Variants in ZPBP observed in about 807,000 individuals in gnomAD.
The protein encoded by ZPBP is zona pellucida binding protein.
A neutral mutation model predicts 44.8 loss-of-function variants in ZPBP; 26 were observed. That is an observed-to-expected ratio of 0.58 (90% confidence interval 0.43 to 0.81). The LOEUF (loss-of-function observed/expected upper bound fraction) is 0.81, where lower values mean the gene tolerates loss of function less well. ZPBP is among the 30% of genes least tolerant of loss of function. The pLI, the probability that ZPBP is intolerant of heterozygous loss-of-function variation, is 0.00. For missense variants in ZPBP, 409 were observed against 434.0 expected (o/e 0.94, Z 0.51); for synonymous variants, 174 against 153.2 (o/e 1.14, Z -1.00).
chr7:49,864,238 G>T (rs1419934382), intron 2 of ZPBP, among the ~76,000 whole-genome samples: 1 of 152,136 alleles, frequency 6.6e-6, no homozygotes, highest in East Asian at 1.9e-4. Context: ...TCAAGGGAAA[G>T]AGAGGAAGAC....
chr7:49,869,951 T>C (rs1354978486), intron 2 of ZPBP, among the ~76,000 whole-genome samples: 2 of 152,162 alleles, frequency 1.3e-5, no homozygotes, highest in Non-Finnish European at 2.9e-5. Context: ...GATGTGGTTG[T>C]CTCAAAATAT....
intron 2 of ZPBP, among the ~76,000 whole-genome samples, chr7:49,883,121 T>G (rs1791742708): frequency 6.6e-6 from 1 of 151,922 alleles, no homozygotes; most frequent in African/African-American, 2.4e-5. Context: ...GAAACAACTT[T>G]GAGGGGAAAT....
chr7:49,856,433 G>A (rs756814654), intron 2 of ZPBP, among the ~76,000 whole-genome samples: 3 of 152,166 alleles, frequency 2.0e-5, no homozygotes, highest in Non-Finnish European at 4.4e-5. Context: ...AGAAAAAGAT[G>A]TTGGCCCCAT....
intron 2 of ZPBP, among the ~76,000 whole-genome samples, chr7:50,085,303 C>A (rs1182953226): frequency 6.6e-6 from 1 of 152,066 alleles, no homozygotes; most frequent in East Asian, 1.9e-4. Flanking sequence ...TGATTTCTAG[C>A]CTCTATAACT....
chr7:49,880,641 T>C (rs1404332675), intron 2 of ZPBP, among the ~76,000 whole-genome samples: 2 of 151,952 alleles, frequency 1.3e-5, no homozygotes, highest in African/African-American at 2.4e-5. Flanking sequence ...GTGAGAACAC[T>C]TGGACACAGG....
chr7:49,949,948 C>A (rs969808289), intron 7 of ZPBP, among the ~76,000 whole-genome samples: 1 of 151,540 alleles, frequency 6.6e-6, no homozygotes, highest in Non-Finnish European at 1.5e-5. Context: ...TTAATAAAAC[C>A]AACTGTGAAA....
At chr7:49,866,576 C>A (rs528095883) in intron 2 of ZPBP, among the ~76,000 whole-genome samples, 7 of 152,148 alleles carry the variant, frequency 4.6e-5, no homozygotes, top group African/African-American at 1.7e-4. Flanking sequence ...CCATGTGACT[C>A]AGAAAAGACG....
intron 7 of ZPBP, among the ~76,000 whole-genome samples, chr7:49,946,742 T>C (rs1795119782): frequency 6.6e-6 from 1 of 152,194 alleles, no homozygotes; most frequent in East Asian, 1.9e-4. Context: ...TACCTTTTTC[T>C]AGGTTTGGAA....
At chr7:50,001,778 A>T (rs931028433) in intron 6 of ZPBP, among the ~76,000 whole-genome samples, 1 of 152,184 alleles carries the variant, frequency 6.6e-6, no homozygotes. Context: ...ACTTGCAAAG[A>T]TGGAAATTAG....
rs145242925 is a variant in ZPBP, at chr7:49,940,883, G to A, written c.962-3261C>T. ...TGAAAACCACAAGGAGACAACAAAG[G>A]GGAACATAGGTGGGGCAAGAGATTT... On this transcript the variant is annotated intron_variant, in intron 7 of 7. Transcript: ENST00000046087. The A allele has an allele frequency of 3.1e-3, 2,114 of 673,232 alleles. 28 individuals are homozygous for A. The African/African-American group carries it at 0.038, about 12-fold the overall frequency. 41.7% of individuals were successfully genotyped at this position (673,232 alleles called of 1,614,324 possible).
chr7:49,983,573 G>T (rs1007361951), intron 6 of ZPBP, 54 bp from the exon 7 acceptor site: 2 of 1,159,138 alleles, frequency 1.7e-6, no homozygotes, highest in Admixed American at 4.5e-5. Flanking sequence ...TGTAATTTTA[G>T]AACAAATAAG....
intron 2 of ZPBP, among the ~76,000 whole-genome samples, chr7:49,851,161 T>G (rs1264432170): frequency 6.6e-6 from 1 of 152,236 alleles, no homozygotes; most frequent in Non-Finnish European, 1.5e-5. Flanking sequence ...GAGGCTTCAC[T>G]GCAGGCTCTG....
intron 4 of ZPBP, among the ~76,000 whole-genome samples, chr7:50,050,788 CA>C (rs751875216): frequency 0.011 from 293 of 26,836 alleles, 1 homozygote; most frequent in African/African-American, 0.033. Context: ...GACTCCGTCT[CA>C]AAAAAAAAAA....
intron 1 of ZPBP, among the ~76,000 whole-genome samples, chr7:49,925,428 C>T (rs1433050542): frequency 6.6e-6 from 1 of 152,146 alleles, no homozygotes; most frequent in Non-Finnish European, 1.5e-5. Flanking sequence ...GTGGTAGTAG[C>T]TAGACAAGCC....
At chr7:49,854,495 G>C (rs1274069009) in intron 2 of ZPBP, among the ~76,000 whole-genome samples, 1 of 152,096 alleles carries the variant, frequency 6.6e-6, no homozygotes, top group South Asian at 2.1e-4. Flanking sequence ...GTGTCTGTTG[G>C]CTGCATAAAT....
At chr7:49,943,246 C>A in intron 7 of ZPBP, 1 of 303,788 alleles carries the variant, frequency 3.3e-6, no homozygotes. Context: ...TTTACTTGTT[C>A]AAGTACAACA....
the ZPBP span, among the ~76,000 whole-genome samples, chr7:49,841,437 T>C: frequency 6.6e-6 from 1 of 152,136 alleles, no homozygotes; most frequent in Admixed American, 6.5e-5. Flanking sequence ...TGGTGGAATT[T>C]AAGGTAGGGA....
intron 7 of ZPBP, among the ~76,000 whole-genome samples, chr7:49,982,512 C>T (rs556003531): frequency 2.9e-4 from 43 of 149,422 alleles, no homozygotes; most frequent in African/African-American, 9.8e-4. Flanking sequence ...TAATGAAACA[C>T]AAAAAAATTA....
intron 1 of ZPBP, among the ~76,000 whole-genome samples, chr7:49,927,779 T>A (rs1022865820): frequency 6.6e-6 from 1 of 152,204 alleles, no homozygotes; most frequent in Admixed American, 6.5e-5. Context: ...ATGAATTACA[T>A]GAGTATGAGC....
Sources: gnomAD v4.1 joint callset for allele counts (sites outside exome capture counted in the v4.1 genomes callset) on GRCh38, gnomAD v4.1.1 for gene constraint, MANE v1.5 for transcripts, NCBI Gene and HGNC (gene_info 2026-07-23, HGNC 2026-07-21) for gene names.